Variants in CCKAR observed in about 807,000 individuals in gnomAD.
CCKAR encodes the protein cholecystokinin receptor type A.
In CCKAR, 21 loss-of-function variants were observed where a neutral mutation model predicts 29.8. The observed-to-expected ratio is 0.70, with a 90% CI of 0.50 to 1.01. CCKAR has a LOEUF of 1.01. CCKAR is among the 50% of genes least tolerant of loss of function. CCKAR has a pLI of 0.00. For missense variants in CCKAR, 570 were observed against 560.6 expected, an observed-to-expected ratio of 1.02 and a Z score of -0.17; for synonymous variants, 238 against 221.3, an observed-to-expected ratio of 1.08 and a Z score of -0.67.
Position 26,481,636 on chromosome 4 carries a change from T to G in CCKAR, c.*2A>C, listed in dbSNP as rs756643996. ...TTCTGCGGTGGAGGGTCAGGGGACATCTCACTGGGGTGGCACCGAGGCACT... is the reference window on the plus strand; with the variant it reads ...TTCTGCGGTGGAGGGTCAGGGGACAGCTCACTGGGGTGGCACCGAGGCACT... On this transcript the variant is annotated 3_prime_UTR_variant, in exon 5 of 5. Coordinates refer to ENST00000295589, the MANE Select transcript of CCKAR (RefSeq NM_000730.3). 7 of 1,613,950 alleles carry G rather than the reference T, an allele frequency of 4.3e-6. No homozygotes were observed. The highest frequency in any genetic ancestry group is 5.9e-6 in the Non-Finnish European group (7 of 1,179,990).
intron 2 of CCKAR, 96 bp from the exon 3 acceptor site, chr4:26,485,994 A>G: frequency 9.3e-7 from 1 of 1,075,108 alleles, no homozygotes; most frequent in Admixed American, 2.6e-5. Flanking sequence ...CAGGTTTGAT[A>G]TCAAAGGAAA....
In CCKAR at chr4:26,485,630, A is replaced by G. The variant is rs758110045; in HGVS notation, c.626+7T>C. 6 of 1,612,728 alleles carry G rather than the reference A, an allele frequency of 3.7e-6. No individual in the cohort carries two copies. The South Asian group carries it at 4.4e-5, about 12-fold the overall frequency. ...TGTATTTTTAAAAATAAACAATGCAACCTTACCAGGACTGCTGCATAACAT... is the reference window on the plus strand; with the variant it reads ...TGTATTTTTAAAAATAAACAATGCAGCCTTACCAGGACTGCTGCATAACAT... On this transcript the variant is annotated splice_region_variant and intron_variant, in intron 3 of 4. Coordinates refer to ENST00000295589, the MANE Select transcript of CCKAR (RefSeq NM_000730.3).
At chr4:26,486,020 A>T (rs1399581397) in intron 2 of CCKAR, 122 bp from the exon 3 acceptor site, 2 of 793,232 alleles carry the variant, frequency 2.5e-6, no homozygotes, top group African/African-American at 3.5e-5. Context: ...TGGAAGGTAA[A>T]GAAATATTGT....
Position 26,490,204 on chromosome 4 carries a change from G to T in CCKAR, c.64C>A (p.Leu22Ile). ...SNITPPCELG[L>I]ENETLFCLDQ... ...AAGCAGAAAAGCGTCTCATTTTCGA[G>T]CCCGAGTTCACAGGGAGGAGTGATG... Residue 22 changes from leucine (L) to isoleucine (I), a missense_variant, in exon 1 of 5, where the codon CTC becomes ATC. Leu to Ile is a conservative substitution (Grantham distance 5, BLOSUM62 2). Coordinates refer to ENST00000295589, the MANE Select transcript of CCKAR (RefSeq NM_000730.3). 1 of 1,613,670 alleles carries T rather than the reference G, an allele frequency of 6.2e-7. No individual in the cohort carries two copies. The highest frequency in any genetic ancestry group is 8.5e-7 in the Non-Finnish European group (1 of 1,179,896).
At position 26,489,426 on chromosome 4, in the gene CCKAR, C is replaced by T. The variant is rs200126970; in HGVS notation, c.171G>A (p.Leu57=). The change falls in exon 2 of 5, where the codon CTG becomes CTA. Residue 57 remains leucine, a synonymous_variant. Coordinates refer to ENST00000295589, the MANE Select transcript of CCKAR (RefSeq NM_000730.3). ...GCACGGTGATGACCAGCGTGTTTCCCAGCACGCTGAGCAGGAATATCAAGG... is the reference window on the plus strand; with the variant it reads ...GCACGGTGATGACCAGCGTGTTTCCTAGCACGCTGAGCAGGAATATCAAGG... ...LYSLIFLLSV[L]GNTLVITVLI... is the part of the protein sequence containing the mutation. 58 of 1,613,934 alleles carry T rather than the reference C, an allele frequency of 3.6e-5. No homozygotes were observed. The highest frequency in any genetic ancestry group is 2.3e-4 in the Admixed American group (14 of 59,984).
In CCKAR at chr4:26,481,511, G is replaced by A. The variant is rs567982915; in HGVS notation, c.*127C>T. On this transcript the variant is annotated 3_prime_UTR_variant, in exon 5 of 5. Transcript: ENST00000295589. ...AAGGATGAAAAGCAGACCTTGAAGA[G>A]TTCCCACTGGAGATGGAGCCTTCCT... The A allele has an allele frequency of 1.2e-5, 12 of 1,007,070 alleles. No homozygotes were observed. The highest frequency in any genetic ancestry group is 1.7e-5 in the Non-Finnish European group (11 of 663,450). The allele number at this position is 1,007,070 out of a possible 1,614,324, so 62.4% of individuals were successfully genotyped here.
At position 26,481,621 on chromosome 4, in the gene CCKAR, G is replaced by T; in HGVS notation, c.*17C>A. On this transcript the variant is annotated 3_prime_UTR_variant, in exon 5 of 5. Transcript: ENST00000295589. Reference sequence around the variant, plus strand: ...TCCTCCCTGCCTTCCTTCTGCGGTGGAGGGTCAGGGGACATCTCACTGGGG... The same window carrying T: ...TCCTCCCTGCCTTCCTTCTGCGGTGTAGGGTCAGGGGACATCTCACTGGGG... The T allele has an allele frequency of 1.2e-6, 2 of 1,613,582 alleles. No homozygotes were observed. Among genetic ancestry groups the T allele is most frequent in the Non-Finnish European group, 8.5e-7 (1 of 1,179,658 alleles).
rs144845558 is a variant in CCKAR at position 26,485,862 on chromosome 4, G to T, written c.401C>A (p.Ala134Asp). Residue 134 changes from alanine (A) to aspartate (D), a missense_variant, in exon 3 of 5, where the codon GCC becomes GAC. Physicochemically the swap from Ala to Asp is moderately radical, Grantham distance 126 (BLOSUM62 -2). Coordinates refer to ENST00000295589, the MANE Select transcript of CCKAR (RefSeq NM_000730.3). ...CGCACCATATCTCTCTAGAGATATG[G>T]CTACCAGATTAAAGGTAGATACACT... ...SVSVSTFNLV[A>D]ISLERYGAIC... 34 of 1,613,756 alleles carry T rather than the reference G, an allele frequency of 2.1e-5. No individual in the cohort carries two copies. Among genetic ancestry groups the T allele is most frequent in the Non-Finnish European group, 2.9e-5 (34 of 1,179,800 alleles).
intron 4 of CCKAR, 69 bp from the exon 5 acceptor site, chr4:26,482,239 A>T: frequency 6.9e-7 from 1 of 1,448,902 alleles, no homozygotes; most frequent in Non-Finnish European, 9.4e-7. Context: ...TGGAGCCCCC[A>T]CTCCCCTCCA....
chr4:26,481,671 G>C lies in CCKAR; in HGVS notation c.1254C>G (p.Tyr418Ter). The change falls in exon 5 of 5, where the codon TAC becomes TAG. Residue 418 changes from tyrosine (Y) to a stop codon, truncating the protein, a stop_gained. Transcript: ENST00000295589. LOFTEE classifies it high-confidence loss of function. ...TTGASLSRFS[Y>*]SHMSASVPPQ ...GTGGCACCGAGGCACTCATATGGCT[G>C]TACGAGAACCTGGACAGAGAGGCTC... 6.2e-7 allele frequency: 1 copy of C among 1,614,208 alleles called. No homozygotes were observed. The highest frequency in any genetic ancestry group is 2.2e-5 in the East Asian group (1 of 44,880).
At chr4:26,488,097 C>T (rs1357313152) in intron 2 of CCKAR, among the ~76,000 whole-genome samples, 1 of 152,130 alleles carries the variant, frequency 6.6e-6, no homozygotes, top group African/African-American at 2.4e-5. Context: ...TAACTCAGTT[C>T]TGCATATTCT....
chr4:26,481,469 G>A lies in CCKAR; in HGVS notation c.*169C>T. 1 of 722,440 alleles carries A rather than the reference G, an allele frequency of 1.4e-6. No individual in the cohort carries two copies. The highest frequency in any genetic ancestry group is 2.6e-5 in the East Asian group (1 of 38,684). 44.8% of individuals were successfully genotyped at this position (722,440 alleles called of 1,614,324 possible). A position where few individuals can be genotyped will look rare whatever the true frequency, so the allele number is the denominator to read the frequency against. ...CCAATCATGGCCCCACTGGAGCAGT[G>A]CTCTGGAATCCAGATGAAGGATGAA... On this transcript the variant is annotated 3_prime_UTR_variant, in exon 5 of 5. Transcript: ENST00000295589.
chr4:26,489,023 C>T (rs1577709120), intron 2 of CCKAR, among the ~76,000 whole-genome samples: 1 of 152,148 alleles, frequency 6.6e-6, no homozygotes, highest in Non-Finnish European at 1.5e-5. Flanking sequence ...TGACCTCCAA[C>T]ATGGATGATG....
chr4:26,485,281 T>C lies in CCKAR; in HGVS notation c.626+356A>G, dbSNP rs983162698. 3.3e-5 allele frequency among the ~76,000 whole-genome samples: 5 copies of C among 152,136 alleles called. No homozygotes were observed. In the Middle Eastern group the frequency reaches 0.01, roughly 310 times the overall value. Reference sequence around the variant, plus strand: ...CCCTCCACTACAGCATTTAGAAGCATACTGCATAATGATTAAGCACAGAGC... The same window carrying C: ...CCCTCCACTACAGCATTTAGAAGCACACTGCATAATGATTAAGCACAGAGC... On this transcript the variant is annotated intron_variant, in intron 3 of 4. Transcript: ENST00000295589.
intron 2 of CCKAR, among the ~76,000 whole-genome samples, chr4:26,487,428 C>G (rs1737471100): frequency 6.6e-6 from 1 of 152,070 alleles, no homozygotes; most frequent in South Asian, 2.1e-4. Context: ...AAGAGTACGG[C>G]CCAAAAATCT....
Position 26,485,814 on chromosome 4 carries a change from C to T in CCKAR, c.449G>A (p.Arg150Gln), listed in dbSNP as rs202000988. 2.3e-5 allele frequency: 37 copies of T among 1,613,828 alleles called. No homozygotes were observed. Among genetic ancestry groups the T allele is most frequent in the South Asian group, 1.1e-4 (10 of 91,072 alleles). The part of the protein sequence containing the change: ...YGAICKPLQS[R>Q]VWQTKSHALK... ...AGCATGGGATTTTGTCTGCCAGACC[C>T]GGGACTGTAAGGGTTTGCAAATCGC... is the stretch of plus-strand genomic sequence containing the variant. The change falls in exon 3 of 5, where the codon CGG becomes CAG. Residue 150 changes from arginine (R) to glutamine (Q), a missense_variant. Transcript: ENST00000295589.
chr4:26,487,159 C>A (rs1737466712), intron 2 of CCKAR, among the ~76,000 whole-genome samples: 1 of 152,106 alleles, frequency 6.6e-6, no homozygotes, highest in Admixed American at 6.5e-5. Flanking sequence ...ATTTCTTAAA[C>A]CTCAGAATTA....
chr4:26,488,760 C>T (rs1188899951), intron 2 of CCKAR, among the ~76,000 whole-genome samples: 1 of 152,092 alleles, frequency 6.6e-6, no homozygotes, highest in African/African-American at 2.4e-5. Flanking sequence ...TTTCAAATAG[C>T]CCCTGTTCCC....
In CCKAR at chr4:26,490,275, T is replaced by A; in HGVS notation, c.-8A>T. 6.3e-7 allele frequency: 1 copy of A among 1,577,848 alleles called. No homozygotes were observed. Among genetic ancestry groups the A allele is most frequent in the Non-Finnish European group, 8.7e-7 (1 of 1,147,212 alleles). ...GCTGTCAACCACATCCATCCTTGCC[T>A]GCTGCTTTCCACCAAGTGCTGGAGA... On this transcript the variant is annotated 5_prime_UTR_variant, in exon 1 of 5. Transcript: ENST00000295589.
Sources: allele counts gnomAD v4.1 joint callset (sites outside exome capture counted in the v4.1 genomes callset), GRCh38; gene constraint gnomAD v4.1.1; transcripts MANE v1.5; gene names NCBI Gene and HGNC (gene_info 2026-07-23, HGNC 2026-07-21).